NPAS1: variants seen among roughly 807,000 people sequenced by gnomAD.
NPAS1 encodes the protein neuronal PAS domain-containing protein 1.
In NPAS1, 29 loss-of-function variants were observed where a neutral mutation model predicts 49.2. That is an observed-to-expected ratio of 0.59 (90% CI 0.44 to 0.80). The LOEUF is 0.80. Ranked by LOEUF, NPAS1 falls within the 30% of genes least tolerant of loss-of-function variation. NPAS1 has a pLI of 0.00. For missense variants in NPAS1, 825 were observed against 835.5 expected, an observed-to-expected ratio of 0.99 and a Z score of 0.15; for synonymous variants, 408 against 380.4, an observed-to-expected ratio of 1.07 and a Z score of -0.84.
At chr19:47,027,333 T>TCTCTCTGCCCCAAGTCCCCCC (rs1555770747) in intron 3 of NPAS1, among the ~76,000 whole-genome samples, 43 of 118,772 alleles carry the variant, frequency 3.6e-4, no homozygotes, top group Non-Finnish European at 7.3e-4. Flanking sequence ...TGGATCCCCC[T>TCTCTCTGCCCCAAGTCCCCCC]CTCTCTGCCC....
rs959736979 is a variant in NPAS1, at chr19:47,020,899, C to A, written c.-42-107C>A. 3.0e-5 allele frequency: 12 copies of A among 403,050 alleles called. 2 individuals carry two copies. Among genetic ancestry groups the A allele is most frequent in the South Asian group, 4.9e-5 (1 of 20,316 alleles). The allele number at this position is 403,050 out of a possible 1,614,324, so 25.0% of individuals were successfully genotyped here. On this transcript the variant is annotated intron_variant, in intron 1 of 11. Transcript: ENST00000602212. ...GAAACTGAGGCATCATCCAGGCCCC[C>A]CCCCCCCCAGCTCCTTGCTGGGACC...
At position 47,032,335 on chromosome 19, in the gene NPAS1, G is replaced by A. The variant is rs774948471; in HGVS notation, c.416G>A (p.Gly139Glu). The change falls in exon 4 of 12, where the codon GGA becomes GAA. Residue 139 changes from glycine (G) to glutamate (E), a missense_variant. Coordinates refer to ENST00000602212, the MANE Select transcript of NPAS1 (RefSeq NM_002517.4). ...TCCGAAGTCTTCGAGCAGCACCTGG[G>A]AGGTCACATCTTGCAGGTGAGTGAG... ...LVSEVFEQHL[G>E]GHILQSLDGF... 1.2e-5 allele frequency: 19 copies of A among 1,614,056 alleles called. No individual in the cohort carries two copies. Among genetic ancestry groups the A allele is most frequent in the Non-Finnish European group, 1.6e-5 (19 of 1,180,000 alleles).
chr19:47,034,528 G>A (rs1258475012), intron 5 of NPAS1, among the ~76,000 whole-genome samples: 1 of 152,106 alleles, frequency 6.6e-6, no homozygotes, highest in Admixed American at 6.6e-5. Flanking sequence ...TCCTGGAGGA[G>A]GAAGACACCA....
In NPAS1 at chr19:47,022,744, G is replaced by C. The variant is rs2056849596; in HGVS notation, c.358+897G>C. 3.3e-5 allele frequency among the ~76,000 whole-genome samples: 5 copies of C among 152,244 alleles called. No individual in the cohort carries two copies. In the South Asian group the frequency reaches 1.0e-3, roughly 32 times the overall value. On this transcript the variant is annotated intron_variant, in intron 3 of 11. Coordinates refer to ENST00000602212, the MANE Select transcript of NPAS1 (RefSeq NM_002517.4). ...CGGCTGGCATCCTAGTGGCCAAGAC[G>C]CAATAAAGAAATAGGCAAAGCAATA...
chr19:47,026,183 T>TGC (rs1599895198), intron 3 of NPAS1, among the ~76,000 whole-genome samples: 1 of 150,956 alleles, frequency 6.6e-6, no homozygotes, highest in East Asian at 2.0e-4. Context: ...AGGTGATCCA[T>TGC]CCACCTCAGC....
chr19:47,021,024 C>T lies in NPAS1; in HGVS notation c.-24C>T. Reference sequence around the variant, plus strand: ...GCTGCAGGAGACTCGGGGCTCGGAGCCCGCCTGAGCGAGCCCCCCGGAGAT... The same window carrying T: ...GCTGCAGGAGACTCGGGGCTCGGAGTCCGCCTGAGCGAGCCCCCCGGAGAT... On this transcript the variant is annotated 5_prime_UTR_variant, in exon 2 of 12. Transcript: ENST00000602212. The surrounding 1 kb of genome is among the most constrained non-coding windows in gnomAD (Gnocchi z 5.7). The T allele has an allele frequency of 6.3e-7, 1 of 1,584,428 alleles. No individual in the cohort carries two copies. Among genetic ancestry groups the T allele is most frequent in the Non-Finnish European group, 8.6e-7 (1 of 1,168,494 alleles).
intron 3 of NPAS1, among the ~76,000 whole-genome samples, chr19:47,025,478 A>G (rs2056865813): frequency 6.6e-6 from 1 of 150,978 alleles, no homozygotes; most frequent in South Asian, 2.1e-4. Flanking sequence ...GGGTTTCTCC[A>G]TGTTGGTCAG....
At chr19:47,023,277 G>C (rs886920324) in intron 3 of NPAS1, among the ~76,000 whole-genome samples, 7 of 152,000 alleles carry the variant, frequency 4.6e-5, no homozygotes, top group Admixed American at 2.0e-4. Context: ...GGGGGGGAAA[G>C]GGGGGGCTAA....
At chr19:47,022,864 G>A (rs117854208) in intron 3 of NPAS1, among the ~76,000 whole-genome samples, 2,306 of 152,336 alleles carry the variant, frequency 0.015, 29 homozygotes, top group Non-Finnish European at 0.026. Context: ...AGACATAGAA[G>A]TGCTGTTATG....
At chr19:47,024,177 C>T (rs1243085013) in intron 3 of NPAS1, among the ~76,000 whole-genome samples, 1 of 152,094 alleles carries the variant, frequency 6.6e-6, no homozygotes, top group Non-Finnish European at 1.5e-5. Context: ...GTCCCTGATA[C>T]TGAACAGGAT....
At chr19:47,020,798 C>A in intron 1 of NPAS1, 1 of 321,204 alleles carries the variant, frequency 3.1e-6, no homozygotes. Flanking sequence ...GCGGGGGAGG[C>A]GGCGGCGGGG....
At chr19:47,030,136 G>T (rs2056896296) in intron 3 of NPAS1, among the ~76,000 whole-genome samples, 1 of 152,174 alleles carries the variant, frequency 6.6e-6, no homozygotes, top group South Asian at 2.1e-4. Flanking sequence ...GGATTCTCCT[G>T]CCTCAGCCGC....
Position 47,021,197 on chromosome 19 carries a change from C to T in NPAS1, c.122+28C>T, listed in dbSNP as rs550205485. The T allele has an allele frequency of 1.6e-4, 235 of 1,486,592 alleles. 2 individuals are homozygous for T. The African/African-American group carries it at 2.8e-3, about 18-fold the overall frequency. 92.1% of individuals were successfully genotyped at this position (1,486,592 alleles called of 1,614,324 possible). On this transcript the variant is annotated intron_variant, in intron 2 of 11. Transcript: ENST00000602212. The surrounding 1 kb of genome is among the most constrained non-coding windows in gnomAD (Gnocchi z 5.7). ...GAGCAAAGCCCCGCCCCCCTGGCCG[C>T]GGGCCCCCCCCCGGGTCCAATTCAC... is the stretch of plus-strand genomic sequence containing the variant.
chr19:47,037,893 C>T (rs1283064981), intron 6 of NPAS1, among the ~76,000 whole-genome samples: 1 of 152,136 alleles, frequency 6.6e-6, no homozygotes, highest in Non-Finnish European at 1.5e-5. Context: ...TATTGCTATT[C>T]CCCAATCCCC....
chr19:47,029,713 T>C (rs1237467178), intron 3 of NPAS1, among the ~76,000 whole-genome samples: 5 of 152,200 alleles, frequency 3.3e-5, no homozygotes, highest in African/African-American at 1.2e-4. Flanking sequence ...CCCATTTTAT[T>C]TACTCATTCA....
At position 47,025,388 on chromosome 19, in the gene NPAS1, C is replaced by T. The variant is rs1410243414; in HGVS notation, c.358+3541C>T. 8.3e-5 allele frequency among the ~76,000 whole-genome samples: 11 copies of T among 133,234 alleles called. 4 individuals are homozygous for T. Among genetic ancestry groups the T allele is most frequent in the Non-Finnish European group, 1.5e-4 (9 of 59,094 alleles). The allele number at this position is 133,234 out of a possible 152,430, so 87.4% of individuals were successfully genotyped here. A position where few individuals can be genotyped will look rare whatever the true frequency, so the allele number is the denominator to read the frequency against. On this transcript the variant is annotated intron_variant, in intron 3 of 11. Transcript: ENST00000602212. ...CCTTCTCCTGGGTTCAAGCGATTCT[C>T]CTGCTTCAGCCTCCCTAATAGCTGG... is the stretch of plus-strand genomic sequence containing the variant.
rs752019700 is a variant in NPAS1, at chr19:47,042,876, G to A, written c.1284G>A (p.Glu428=). 4.4e-6 allele frequency: 7 copies of A among 1,604,418 alleles called. No individual in the cohort carries two copies. Among genetic ancestry groups the A allele is most frequent in the Admixed American group, 3.4e-5 (2 of 58,890 alleles). The change falls in exon 11 of 12, where the codon GAG becomes GAA. Residue 428 remains glutamate, a synonymous_variant. Transcript: ENST00000602212. The part of the protein sequence containing the change: ...FQLPASVACE[E]ASSPGPEPTE... ...TTCCAGCCAGCGTGGCCTGTGAGGA[G>A]GCATCCAGCCCGGGGCCAGAGCCCA... is the stretch of plus-strand genomic sequence containing the variant.
Position 47,045,374 on chromosome 19 carries a change from G to C in NPAS1, c.1496G>C (p.Arg499Pro). ...AGGCCCGAGTTCACCTCTGTCATCC[G>C]GGCAGGGGTCCTGAAGCAGGATCCG... ...TPRPEFTSVI[R>P]AGVLKQDPVR... The change falls in exon 12 of 12, where the codon CGG becomes CCG. Residue 499 changes from arginine to proline, a missense_variant. By Grantham distance (103) the Arg-to-Pro change is moderately radical. Coordinates refer to ENST00000602212, the MANE Select transcript of NPAS1 (RefSeq NM_002517.4). The C allele has an allele frequency of 6.2e-7, 1 of 1,613,424 alleles. No individual in the cohort carries two copies. The highest frequency in any genetic ancestry group is 8.5e-7 in the Non-Finnish European group (1 of 1,179,852).
chr19:47,028,690 C>A (rs2056888668), intron 3 of NPAS1, among the ~76,000 whole-genome samples: 1 of 152,108 alleles, frequency 6.6e-6, no homozygotes, highest in Non-Finnish European at 1.5e-5. Context: ...GGCACACAGC[C>A]AGGGAGGGGA....
Sources: gnomAD v4.1 joint callset for allele counts (sites outside exome capture counted in the v4.1 genomes callset) on GRCh38, gnomAD v4.1.1 for gene constraint, Gnocchi (gnomAD v3.1) non-coding constraint, MANE v1.5 for transcripts, NCBI Gene and HGNC (gene_info 2026-07-23, HGNC 2026-07-21) for gene names.